The following PRAMEF11 variants were observed in gnomAD, a reference collection of about 807,000 sequenced individuals.
PRAMEF11 encodes the protein PRAME family member 11.
In PRAMEF11, 17 loss-of-function variants were observed where a neutral mutation model predicts 33.6. That is an observed-to-expected ratio of 0.51 (90% CI 0.35 to 0.76). PRAMEF11 has a LOEUF of 0.76. Among genes scored for constraint, PRAMEF11 ranks in the 30% least tolerant of loss-of-function variants. The pLI is 0.01. For missense variants in PRAMEF11, 568 were observed against 567.0 expected (o/e 1.00, Z -0.02); for synonymous variants, 205 against 227.3 (o/e 0.90, Z 0.88).
chr1:12,825,314 CT>C lies in PRAMEF11; in HGVS notation c.1064del (p.Glu355GlyfsTer5). 6.3e-7 allele frequency: 1 copy of C among 1,593,164 alleles called. No homozygotes were observed. The highest frequency in any genetic ancestry group is 8.6e-7 in the Non-Finnish European group (1 of 1,169,048). ...TGCCACAGTCATCTAAATCCAGGTA[CT>C]CAAGGGTGGCTGCAACTTTTTCTAG... ...ILLEKVAATL[E>X]YLDLDDCGII... On this transcript the variant is annotated frameshift_variant, in exon 4 of 4. Transcript: ENST00000619922. LOFTEE classifies it high-confidence loss of function.
rs78582467 is a variant in PRAMEF11 at position 12,827,880 on chromosome 1, C to G, written c.294-50G>C. The G allele has an allele frequency of 2.5e-5, 40 of 1,601,438 alleles. 1 individual carries two copies. The East Asian group carries it at 4.7e-4, about 19-fold the overall frequency. ...GAGAATTTAAGAACTCATTTCTGAA[C>G]TTAAACTCCACATCCTGCATAGCAG... On this transcript the variant is annotated intron_variant, in intron 2 of 3. Transcript: ENST00000619922.
chr1:12,828,092 T>A (rs899320527), intron 2 of PRAMEF11, among the ~76,000 whole-genome samples: 1 of 149,882 alleles, frequency 6.7e-6, no homozygotes, highest in African/African-American at 2.5e-5. Flanking sequence ...TTCAAATGAT[T>A]CTCCTGCCTC....
intron 1 of PRAMEF11, among the ~76,000 whole-genome samples, chr1:12,830,362 A>C (rs1253530805): frequency 1.3e-5 from 2 of 151,182 alleles, no homozygotes; most frequent in African/African-American, 4.8e-5. Flanking sequence ...ATATCGGCTC[A>C]CTGTTACCTC....
chr1:12,826,679 T>A (rs1439467393), intron 3 of PRAMEF11, among the ~76,000 whole-genome samples: 2 of 151,264 alleles, frequency 1.3e-5, no homozygotes, highest in African/African-American at 4.8e-5. Flanking sequence ...GGAGAATCGC[T>A]TGAACCTGGG....
intron 2 of PRAMEF11, 100 bp downstream of exon 2, chr1:12,828,397 C>A: frequency 7.2e-7 from 1 of 1,379,554 alleles, no homozygotes; most frequent in Non-Finnish European, 9.9e-7. Flanking sequence ...GGCTTCCTCA[C>A]CACCACCATC....
chr1:12,827,420 T>C lies in PRAMEF11; in HGVS notation c.704A>G (p.Asn235Ser), dbSNP rs1415746922. 1 of 1,607,192 alleles carries C rather than the reference T, an allele frequency of 6.2e-7. No homozygotes were observed. Among genetic ancestry groups the C allele is most frequent in the African/African-American group, 1.3e-5 (1 of 74,670 alleles). Residue 235 changes from asparagine to serine, a missense_variant, in exon 3 of 4, where the codon AAT becomes AGT. Coordinates refer to ENST00000619922, the MANE Select transcript of PRAMEF11 (RefSeq NM_001146344.3). Reference sequence around the variant, plus strand: ...GTGGGAGAGAACGAGCTTCTGAAGATTCCTCAAGTGGCCCAGGTATGGGGT... The same window carrying C: ...GTGGGAGAGAACGAGCTTCTGAAGACTCCTCAAGTGGCCCAGGTATGGGGT... ...QFTPYLGHLR[N>S]LQKLVLSHMD...
In PRAMEF11 at chr1:12,827,812, C is replaced by T. The variant is rs776437512; in HGVS notation, c.312G>A (p.Val104=). The change falls in exon 3 of 4, where the codon GTG becomes GTA. Residue 104 remains valine, a synonymous_variant. Transcript: ENST00000619922. ...GVRPRRWKLQ[V]LDLQDVCENF... ...TCTCACAGACATCCTGTAAATCCAG[C>T]ACTTGAAGTTTCCATCTCCTGTGGG... 1 of 1,607,554 alleles carries T rather than the reference C, an allele frequency of 6.2e-7. No homozygotes were observed. Among genetic ancestry groups the T allele is most frequent in the South Asian group, 1.1e-5 (1 of 90,466 alleles).
Position 12,824,702 on chromosome 1 carries a change from A to C in PRAMEF11, c.*240T>G, listed in dbSNP as rs1639816315. The C allele has an allele frequency of 2.5e-5, 14 of 565,054 alleles. 1 individual carries two copies. In the South Asian group the frequency reaches 3.0e-4, roughly 12 times the overall value. 35.0% of individuals were successfully genotyped at this position (565,054 alleles called of 1,614,324 possible). A position where few individuals can be genotyped will look rare whatever the true frequency, so the allele number is the denominator to read the frequency against. On this transcript the variant is annotated 3_prime_UTR_variant, in exon 4 of 4. Coordinates refer to ENST00000619922, the MANE Select transcript of PRAMEF11 (RefSeq NM_001146344.3). Reference sequence around the variant, plus strand: ...TATTCTCAAGCCTGAATTCCACTCTAGACATTCAGATTCCCATTTTCGACT... The same window carrying C: ...TATTCTCAAGCCTGAATTCCACTCTCGACATTCAGATTCCCATTTTCGACT...
intron 3 of PRAMEF11, among the ~76,000 whole-genome samples, chr1:12,826,256 T>A (rs553500357): frequency 3.6e-4 from 55 of 151,050 alleles, no homozygotes; most frequent in African/African-American, 1.2e-3. Context: ...TTGTGCCTGC[T>A]CCCTGACCCT....
At position 12,828,827 on chromosome 1, in the gene PRAMEF11, G is replaced by A. The variant is rs572326035; in HGVS notation, c.-16-22C>T. The A allele has an allele frequency of 5.6e-3, 8,937 of 1,607,550 alleles. 287 individuals carry two copies. The highest frequency in any genetic ancestry group is 5.7e-3 in the Non-Finnish European group (6,707 of 1,177,064). On this transcript the variant is annotated intron_variant, in intron 1 of 3. Transcript: ENST00000619922. ...AAAACTTCCAGAGGACAAACCCAGA[G>A]AAAAGGCATCACTCTCAGGCCAAGC...
At chr1:12,827,107 C>G (rs532237192) in intron 3 of PRAMEF11, 142 bp downstream of exon 3, 1 of 1,526,530 alleles carries the variant, frequency 6.6e-7, no homozygotes, top group Non-Finnish European at 8.8e-7. Context: ...AGGACAGGGC[C>G]GCCAACAGGA....
intron 1 of PRAMEF11, among the ~76,000 whole-genome samples, chr1:12,830,433 A>C (rs1639981184): frequency 1.3e-5 from 2 of 151,312 alleles, no homozygotes; most frequent in South Asian, 4.3e-4. Flanking sequence ...GACTACAGGC[A>C]TGCACCCCCC....
intron 2 of PRAMEF11, among the ~76,000 whole-genome samples, chr1:12,828,194 A>T (rs1639917261): frequency 6.8e-6 from 1 of 146,884 alleles, no homozygotes; most frequent in South Asian, 2.2e-4. Context: ...CATGTTGGAC[A>T]GGCTGGCCTC....
At chr1:12,830,639 C>T (rs1330252272) in intron 1 of PRAMEF11, among the ~76,000 whole-genome samples, 5 of 150,654 alleles carry the variant, frequency 3.3e-5, no homozygotes, top group Non-Finnish European at 7.4e-5. Context: ...CCACACCAGC[C>T]ACCCAAATAG....
Position 12,825,106 on chromosome 1 carries a change from C to T in PRAMEF11, c.1273G>A (p.Asp425Asn). 4 of 1,609,694 alleles carry T rather than the reference C, an allele frequency of 2.5e-6. 1 individual carries two copies. The South Asian group carries it at 3.3e-5, about 13-fold the overall frequency. ...AATCTGCTCCAGCAGAGAGTACCATCAGCACCATAACTTTCCTGCGGGGCA... is the reference window on the plus strand; with the variant it reads ...AATCTGCTCCAGCAGAGAGTACCATTAGCACCATAACTTTCCTGCGGGGCA... Reference protein sequence around the residue: ...YPAPQESYGADGTLCWSRFAQ... With the variant: ...YPAPQESYGANGTLCWSRFAQ... The change falls in exon 4 of 4, where the codon GAT becomes AAT. Residue 425 changes from aspartate (D) to asparagine (N), a missense_variant. Physicochemically the swap from Asp to Asn is conservative, Grantham distance 23 (BLOSUM62 1). Transcript: ENST00000619922.
At chr1:12,828,348 T>C in intron 2 of PRAMEF11, 149 bp downstream of exon 2, 1 of 1,404,156 alleles carries the variant, frequency 7.1e-7, no homozygotes, top group South Asian at 1.3e-5. Context: ...TGGTGAGCAG[T>C]GCTTTCCCTG....
At position 12,831,236 on chromosome 1, in the gene PRAMEF11, C is replaced by T. The variant is rs1157574281; in HGVS notation, c.-17+120G>A. ...AAAAAATTCAAAGCTTCAAATTGTT[C>T]ATATGAGAAAAAAAAAGGACAGGAT... On this transcript the variant is annotated intron_variant, in intron 1 of 3. Transcript: ENST00000619922. The T allele has an allele frequency of 1.3e-5, 2 of 150,862 alleles. 1 individual carries two copies. Among genetic ancestry groups the T allele is most frequent in the Admixed American group, 1.3e-4 (2 of 15,070 alleles). 9.3% of individuals were successfully genotyped at this position (150,862 alleles called of 1,614,324 possible). A position where few individuals can be genotyped will look rare whatever the true frequency, so the allele number is the denominator to read the frequency against.
At chr1:12,827,038 A>G (rs1331857859) in intron 3 of PRAMEF11, among the ~76,000 whole-genome samples, 1 of 151,160 alleles carries the variant, frequency 6.6e-6, no homozygotes, top group African/African-American at 2.4e-5. Flanking sequence ...GCCTCTCTAT[A>G]GCATCTCCCC....
In PRAMEF11 at chr1:12,828,503, C is replaced by G. The variant is rs569020355; in HGVS notation, c.287G>C (p.Arg96Pro). Residue 96 changes from arginine to proline, a missense_variant, in exon 2 of 4, where the codon CGT (arginine) becomes CCT (proline). By Grantham distance (103) the Arg-to-Pro change is moderately radical. Around this residue, in one of 3 missense-constraint regions of PRAMEF11, gnomAD observed 342 missense variants for 312.0 expected, o/e 1.10. Coordinates refer to ENST00000619922, the MANE Select transcript of PRAMEF11 (RefSeq NM_001146344.3). ...GLDALLTQGV[R>P]PRRWKLQVLD... ...CCCACCTGGGCCACCTCACCTGGGACGAACCCCTTGGGTAAGCAGTGCATC... is the reference window on the plus strand; with the variant it reads ...CCCACCTGGGCCACCTCACCTGGGAGGAACCCCTTGGGTAAGCAGTGCATC... 49 of 1,598,546 alleles carry G rather than the reference C, an allele frequency of 3.1e-5. 1 individual carries two copies. The highest frequency in any genetic ancestry group is 4.5e-5 in the South Asian group (4 of 89,738).
Sources: gnomAD v4.1 joint callset for allele counts (sites outside exome capture counted in the v4.1 genomes callset) on GRCh38, gnomAD v4.1.1 for gene constraint, gnomAD v4.1.1 regional missense constraint, MANE v1.5 for transcripts, NCBI Gene and HGNC (gene_info 2026-07-23, HGNC 2026-07-21) for gene names.